Variants in KCNMA1 observed in about 807,000 individuals in gnomAD.
The protein encoded by KCNMA1 is Calcium-activated potassium channel subunit alpha-1.
In KCNMA1, 29 loss-of-function variants were observed where a neutral mutation model predicts 140.0. That is an observed-to-expected ratio of 0.21 (90% confidence interval 0.15 to 0.28). KCNMA1 has a LOEUF of 0.28. Among genes scored for constraint, KCNMA1 ranks in the 10% least tolerant of loss-of-function variants. The pLI is 1.00. For synonymous variants in KCNMA1, 612 were observed against 611.9 expected (o/e 1.00, Z 0.00); for missense variants, 880 against 1,602.2 (o/e 0.55, Z 7.70).
chr10:77,545,264 G>A lies in KCNMA1; in HGVS notation c.378+92001C>T, dbSNP rs368951125. On this transcript the variant is annotated intron_variant, in intron 1 of 27. Coordinates refer to ENST00000286628, the MANE Select transcript of KCNMA1 (RefSeq NM_001161352.2). ...GGATAAAGTAATTTATGTCTGACAC[G>A]GAAATGTATTATATGCATTTTTCAA... Among the ~76,000 whole-genome samples the A allele has an allele frequency of 4.2e-4, 64 of 152,244 alleles. 1 individual carries two copies. The South Asian group carries it at 0.012, about 29-fold the overall frequency.
chr10:77,293,831 C>T (rs550023900), intron 2 of KCNMA1, among the ~76,000 whole-genome samples: 3 of 152,338 alleles, frequency 2.0e-5, no homozygotes, highest in Admixed American at 6.5e-5. Context: ...TCCCAAAATG[C>T]GACTAATCTG....
intron 2 of KCNMA1, among the ~76,000 whole-genome samples, chr10:77,357,467 T>C (rs867733288): frequency 6.6e-6 from 1 of 152,238 alleles, no homozygotes; most frequent in African/African-American, 2.4e-5. Context: ...ATGATTAATT[T>C]AGCCTTGATT....
chr10:76,886,441 A>C lies in KCNMA1; in HGVS notation c.*825T>G. 1.0e-6 allele frequency: 1 copy of C among 985,296 alleles called. No individual in the cohort carries two copies. Among genetic ancestry groups the C allele is most frequent in the East Asian group, 1.1e-4 (1 of 8,816 alleles). The allele number at this position is 985,296 out of a possible 1,614,324, so 61.0% of individuals were successfully genotyped here. ...CCAAATGTCAAAAGTGAAAGAAAAA[A>C]AATAGCTATTCATATGGCAACATAA... On this transcript the variant is annotated 3_prime_UTR_variant, in exon 28 of 28. Transcript: ENST00000286628.
intron 2 of KCNMA1, among the ~76,000 whole-genome samples, chr10:77,320,877 C>T (rs1253259965): frequency 6.6e-6 from 1 of 152,196 alleles, no homozygotes; most frequent in Non-Finnish European, 1.5e-5. Context: ...TCTTTTATCC[C>T]TGGAACCTAC....
chr10:77,482,881 T>C (rs2098414380), intron 1 of KCNMA1, among the ~76,000 whole-genome samples: 1 of 151,350 alleles, frequency 6.6e-6, no homozygotes, highest in Non-Finnish European at 1.5e-5. Context: ...CCCACCCCGA[T>C]GCCCCCAAGT....
chr10:77,433,677 G>C (rs191186325), intron 1 of KCNMA1: 1 of 152,122 alleles, frequency 6.6e-6, no homozygotes, highest in African/African-American at 2.4e-5. Flanking sequence ...AAGTTACAGA[G>C]GGTTGCAACC....
intron 2 of KCNMA1, among the ~76,000 whole-genome samples, chr10:77,268,264 CCAG>C (rs1334097965): frequency 6.6e-6 from 1 of 152,102 alleles, no homozygotes; most frequent in Non-Finnish European, 1.5e-5. Flanking sequence ...ACCTGATATA[CCAG>C]CAGGCGAACG....
At chr10:77,239,413 C>T (rs2056619920) in intron 3 of KCNMA1, among the ~76,000 whole-genome samples, 1 of 152,176 alleles carries the variant, frequency 6.6e-6, no homozygotes, top group Non-Finnish European at 1.5e-5. Flanking sequence ...GAAATTCCAG[C>T]TCTCAAATTA....
intron 9 of KCNMA1, among the ~76,000 whole-genome samples, chr10:77,106,450 G>A (rs553609501): frequency 1.3e-5 from 2 of 152,114 alleles, no homozygotes; most frequent in East Asian, 3.9e-4. Flanking sequence ...CGGGCTGAGA[G>A]CCCCATCTGG....
rs571003109 is a variant in KCNMA1, at chr10:77,446,265, T to C, written c.379-42242A>G. ...CACTGCCTATGAAGTCCCTTCAGTC[T>C]GGAGCTGTCTGAGGAAACAGATAAG... On this transcript the variant is annotated intron_variant, in intron 1 of 27. Transcript: ENST00000286628. 1.4e-3 allele frequency among the ~76,000 whole-genome samples: 210 copies of C among 152,334 alleles called. 1 individual carries two copies. The highest frequency in any genetic ancestry group is 4.7e-3 in the African/African-American group (196 of 41,572).
intron 2 of KCNMA1, among the ~76,000 whole-genome samples, chr10:77,370,028 C>T (rs2094584501): frequency 1.3e-5 from 2 of 152,198 alleles, no homozygotes; most frequent in South Asian, 4.1e-4. Context: ...TCAGCTACAG[C>T]AAGGTGGGGC....
intron 1 of KCNMA1, among the ~76,000 whole-genome samples, chr10:77,631,188 T>C (rs10824557): frequency 0.25 from 37,240 of 151,318 alleles, 5,074 homozygotes; most frequent in African/African-American, 0.34. Context: ...GATGTGATAT[T>C]CCCACTGAAC....
chr10:76,871,600 C>T (rs574266416), exon 28 of KCNMA1: 12 of 152,326 alleles, frequency 7.9e-5, no homozygotes, highest in African/African-American at 2.6e-4. Context: ...GGCTGTCTTC[C>T]TCTAATAGTC....
chr10:77,261,440 T>A (rs1211187826), intron 2 of KCNMA1, among the ~76,000 whole-genome samples: 1 of 152,190 alleles, frequency 6.6e-6, no homozygotes, highest in Non-Finnish European at 1.5e-5. Flanking sequence ...CAGAGTTATG[T>A]GAACTTCTGC....
chr10:77,501,329 G>A (rs1687150184), intron 1 of KCNMA1, among the ~76,000 whole-genome samples: 1 of 152,160 alleles, frequency 6.6e-6, no homozygotes, highest in Non-Finnish European at 1.5e-5. Flanking sequence ...GCAGAGCTGT[G>A]CCTCCAGCCC....
intron 2 of KCNMA1, among the ~76,000 whole-genome samples, chr10:77,387,423 T>C (rs1055171842): frequency 6.6e-6 from 1 of 152,100 alleles, no homozygotes; most frequent in African/African-American, 2.4e-5. Context: ...ATGTAAACTT[T>C]AGGGAATGTG....
chr10:77,089,842 T>G (rs2096774460), intron 10 of KCNMA1, among the ~76,000 whole-genome samples: 1 of 152,182 alleles, frequency 6.6e-6, no homozygotes, highest in South Asian at 2.1e-4. Context: ...TCAGGGAATC[T>G]GAGTCCAGAA....
chr10:77,283,680 T>C (rs1033840511), intron 2 of KCNMA1, among the ~76,000 whole-genome samples: 1 of 152,204 alleles, frequency 6.6e-6, no homozygotes, highest in Non-Finnish European at 1.5e-5. Flanking sequence ...TGTCCACTTA[T>C]GTATACTGCA....
chr10:77,053,694 C>A (rs1391866176), intron 14 of KCNMA1, among the ~76,000 whole-genome samples: 1 of 152,148 alleles, frequency 6.6e-6, no homozygotes, highest in African/African-American at 2.4e-5. Context: ...AGGATTATTC[C>A]TCTATCTTCT....
Sources: allele counts gnomAD v4.1 joint callset (sites outside exome capture counted in the v4.1 genomes callset), GRCh38; gene constraint gnomAD v4.1.1; transcripts MANE v1.5; gene names NCBI Gene and HGNC (gene_info 2026-07-23, HGNC 2026-07-21).